The following SLC9A9 variants were observed in gnomAD, a reference collection of about 807,000 sequenced individuals.
The protein encoded by SLC9A9 is sodium/hydrogen exchanger 9.
SLC9A9 carries 62 observed loss-of-function variants against 77.8 expected under a neutral mutation model. The ratio of observed to expected loss-of-function variants is 0.80; its 90% confidence interval spans 0.65 to 0.98. The LOEUF is 0.98. Ranked by LOEUF, SLC9A9 falls within the 50% of genes least tolerant of loss-of-function variation. The pLI, the probability that SLC9A9 is intolerant of heterozygous loss-of-function variation, is 0.00. For synonymous variants in SLC9A9, 320 were observed against 283.5 expected, an observed-to-expected ratio of 1.13 and a Z score of -1.29; for missense variants, 775 against 774.9, an observed-to-expected ratio of 1.00 and a Z score of 0.00.
At chr3:143,551,218 A>T (rs989347717) in intron 9 of SLC9A9, among the ~76,000 whole-genome samples, 1 of 152,120 alleles carries the variant, frequency 6.6e-6, no homozygotes, top group African/African-American at 2.4e-5. Context: ...GATAGAACAG[A>T]TTCTCCTCCA....
chr3:143,741,465 G>T (rs1024465944), intron 4 of SLC9A9, among the ~76,000 whole-genome samples: 3 of 152,184 alleles, frequency 2.0e-5, no homozygotes, highest in Non-Finnish European at 2.9e-5. Context: ...TTAATAAATG[G>T]ATGGTAAGAG....
intron 12 of SLC9A9, among the ~76,000 whole-genome samples, chr3:143,446,025 A>C (rs1421433456): frequency 6.6e-6 from 1 of 152,128 alleles, no homozygotes; most frequent in Non-Finnish European, 1.5e-5. Context: ...GCTCTTTTGA[A>C]GGATTTTGCT....
At chr3:143,371,157 G>C (rs1334985514) in intron 13 of SLC9A9, among the ~76,000 whole-genome samples, 1 of 152,156 alleles carries the variant, frequency 6.6e-6, no homozygotes. Flanking sequence ...GTTCACAAAG[G>C]CTTACAGGGA....
chr3:143,630,169 C>A (rs2038398370), intron 6 of SLC9A9, among the ~76,000 whole-genome samples: 1 of 152,118 alleles, frequency 6.6e-6, no homozygotes, highest in Admixed American at 6.6e-5. Flanking sequence ...TTGCGTTATT[C>A]ATCAAGGAGA....
intron 6 of SLC9A9, among the ~76,000 whole-genome samples, chr3:143,619,373 A>C (rs2038159934): frequency 6.6e-6 from 1 of 152,262 alleles, no homozygotes; most frequent in Non-Finnish European, 1.5e-5. Flanking sequence ...AATACTTAGA[A>C]AAAAGGAAGC....
At chr3:143,749,468 C>T (rs2006641079) in intron 4 of SLC9A9, among the ~76,000 whole-genome samples, 1 of 152,204 alleles carries the variant, frequency 6.6e-6, no homozygotes, top group Non-Finnish European at 1.5e-5. Context: ...AATTCCCTCG[C>T]TCCCACTCAG....
At chr3:143,589,812 G>C (rs535992203) in intron 6 of SLC9A9, among the ~76,000 whole-genome samples, 2 of 152,312 alleles carry the variant, frequency 1.3e-5, no homozygotes, top group African/African-American at 4.8e-5. Context: ...GGGAAAGCCT[G>C]TGACTGGGGA....
intron 9 of SLC9A9, among the ~76,000 whole-genome samples, chr3:143,549,281 A>C (rs1403991245): frequency 6.6e-6 from 1 of 152,184 alleles, no homozygotes; most frequent in Non-Finnish European, 1.5e-5. Flanking sequence ...GCACTCTTTC[A>C]AAGTGGGGAC....
intron 4 of SLC9A9, among the ~76,000 whole-genome samples, chr3:143,737,021 C>A (rs752548188): frequency 1.3e-4 from 20 of 152,162 alleles, no homozygotes; most frequent in Non-Finnish European, 1.9e-4. Context: ...TAATAATATT[C>A]TTTGATTAAA....
At chr3:143,512,768 T>C (rs72991973) in intron 9 of SLC9A9, among the ~76,000 whole-genome samples, 3,083 of 152,136 alleles carry the variant, frequency 0.02, 99 homozygotes, top group African/African-American at 0.069. Flanking sequence ...TCCAGCTACT[T>C]GGAAGACTGA....
intron 12 of SLC9A9, among the ~76,000 whole-genome samples, chr3:143,437,573 G>A (rs568148173): frequency 5.9e-5 from 9 of 152,216 alleles, no homozygotes; most frequent in Non-Finnish European, 1.2e-4. Context: ...CTAGAAGAAC[G>A]TTAGAGGCCC....
intron 11 of SLC9A9, among the ~76,000 whole-genome samples, chr3:143,471,035 G>A (rs981531746): frequency 1.3e-5 from 2 of 152,086 alleles, no homozygotes; most frequent in African/African-American, 4.8e-5. Flanking sequence ...ATTGTTAATC[G>A]GGGCCAAACC....
chr3:143,665,612 AG>A (rs1459990155), intron 5 of SLC9A9, among the ~76,000 whole-genome samples: 1 of 152,222 alleles, frequency 6.6e-6, no homozygotes, highest in Non-Finnish European at 1.5e-5. Context: ...AGAAAAGAGA[AG>A]AATCAAATAG....
chr3:143,468,924 G>A (rs1192282463), intron 11 of SLC9A9, among the ~76,000 whole-genome samples: 1 of 152,206 alleles, frequency 6.6e-6, no homozygotes, highest in Non-Finnish European at 1.5e-5. Context: ...CACTTCGGGA[G>A]GCCGAGGTGG....
intron 8 of SLC9A9, 64 bp from the exon 9 acceptor site, chr3:143,552,514 G>A (rs1288096662): frequency 7.2e-7 from 1 of 1,384,568 alleles, no homozygotes; most frequent in Admixed American, 1.7e-5. Flanking sequence ...CAAAGGTTAG[G>A]GCTATTCCAG....
intron 8 of SLC9A9, among the ~76,000 whole-genome samples, chr3:143,563,069 A>G (rs538927403): frequency 6.6e-6 from 1 of 152,278 alleles, no homozygotes; most frequent in African/African-American, 2.4e-5. Flanking sequence ...ACAATTTTGG[A>G]TAAGAACTAG....
At position 143,400,004 on chromosome 3, in the gene SLC9A9, T is replaced by A. The variant is rs139460231; in HGVS notation, c.1470-17890A>T. Among the ~76,000 whole-genome samples, 1,209 of 152,318 alleles carry A rather than the reference T, an allele frequency of 7.9e-3. 16 individuals carry two copies. Among genetic ancestry groups the A allele is most frequent in the African/African-American group, 0.027 (1,131 of 41,578 alleles). ...CGGTGAGTTTCATCAAACCTAGATGTAGTTCATGATAAGGCATACTATTAC... is the reference window on the plus strand; with the variant it reads ...CGGTGAGTTTCATCAAACCTAGATGAAGTTCATGATAAGGCATACTATTAC... On this transcript the variant is annotated intron_variant, in intron 12 of 15. Coordinates refer to ENST00000316549, the MANE Select transcript of SLC9A9 (RefSeq NM_173653.4).
chr3:143,333,725 A>G (rs1232593809), intron 14 of SLC9A9, among the ~76,000 whole-genome samples: 2 of 152,270 alleles, frequency 1.3e-5, no homozygotes, highest in African/African-American at 4.8e-5. Flanking sequence ...ACCAGATTGT[A>G]TTAATTCCTA....
At chr3:143,396,921 A>G (rs1289206459) in intron 12 of SLC9A9, among the ~76,000 whole-genome samples, 1 of 152,204 alleles carries the variant, frequency 6.6e-6, no homozygotes, top group Non-Finnish European at 1.5e-5. Flanking sequence ...ATTTAGATAT[A>G]CATTTTGGAG....
Sources: allele counts gnomAD v4.1 joint callset (sites outside exome capture counted in the v4.1 genomes callset), GRCh38; gene constraint gnomAD v4.1.1; transcripts MANE v1.5; gene names NCBI Gene and HGNC (gene_info 2026-07-23, HGNC 2026-07-21).